FRMPD4: variants seen among roughly 807,000 people sequenced by gnomAD.
FRMPD4 encodes the protein FERM and PDZ domain containing 4.
FRMPD4 carries 22 observed loss-of-function variants against 94.1 expected under a neutral mutation model. That is an observed-to-expected ratio of 0.23 (90% confidence interval 0.17 to 0.33). FRMPD4 has a LOEUF of 0.33. Among genes scored for constraint, FRMPD4 ranks in the 10% least tolerant of loss-of-function variants. FRMPD4 has a pLI of 1.00. For missense variants in FRMPD4, 1,111 were observed against 1,339.9 expected, an observed-to-expected ratio of 0.83 and a Z score of 2.67; for synonymous variants, 631 against 548.6, an observed-to-expected ratio of 1.15 and a Z score of -2.10.
chrX:11,931,328 A>G (rs1345479603), intron 3 of FRMPD4, among the ~76,000 whole-genome samples: 1 of 112,128 alleles, frequency 8.9e-6, no homozygotes, highest in African/African-American at 3.2e-5. Flanking sequence ...CTATGAATTG[A>G]CCAGGCTTAG....
At chrX:12,102,047 G>A (rs969030816) in intron 3 of FRMPD4, among the ~76,000 whole-genome samples, 23 of 112,084 alleles carry the variant, frequency 2.1e-4, no homozygotes, top group African/African-American at 6.8e-4. Context: ...CTATCATGCC[G>A]TTACATGAGA....
At chrX:11,952,460 C>T (rs993054789) in intron 3 of FRMPD4, among the ~76,000 whole-genome samples, 3 of 111,914 alleles carry the variant, frequency 2.7e-5, no homozygotes, top group African/African-American at 9.8e-5. Flanking sequence ...AGTTTGCATC[C>T]CAGGGGAGAA....
intron 2 of FRMPD4, chrX:12,583,503 T>G: frequency 1.7e-6 from 2 of 1,153,253 alleles, no homozygotes; most frequent in Non-Finnish European, 2.4e-6. Context: ...GCAGAATATT[T>G]CTACGTGCCG....
At chrX:12,062,765 G>A (rs1020559805) in intron 3 of FRMPD4, among the ~76,000 whole-genome samples, 2 of 111,397 alleles carry the variant, frequency 1.8e-5, no homozygotes, top group East Asian at 2.8e-4. Flanking sequence ...GGCAACTTTG[G>A]TTTTATAAGA....
At position 12,405,644 on chromosome X, in the gene FRMPD4, C is replaced by T. The variant is rs745729651; in HGVS notation, c.42-93036C>T. On this transcript the variant is annotated intron_variant, in intron 1 of 16. Transcript: ENST00000675598. ...GAAATCAGGAACATAATGAAGACTT[C>T]GAACCTGTACCCAGGAGCCTTTGAT... Among the ~76,000 whole-genome samples, 4 of 111,674 alleles carry T rather than the reference C, an allele frequency of 3.6e-5. No individual in the cohort carries two copies. In the East Asian group the frequency reaches 8.5e-4, roughly 24 times the overall value.
chrX:12,441,259 T>C (rs750854041), intron 1 of FRMPD4, among the ~76,000 whole-genome samples: 3 of 111,756 alleles, frequency 2.7e-5, no homozygotes, highest in South Asian at 3.7e-4. Flanking sequence ...TGGGGAGAAA[T>C]TGAATGGCCT....
At chrX:12,047,875 C>G (rs2054794737) in intron 3 of FRMPD4, among the ~76,000 whole-genome samples, 1 of 112,187 alleles carries the variant, frequency 8.9e-6, no homozygotes, top group Non-Finnish European at 1.9e-5. Flanking sequence ...ACGTATGTAC[C>G]ACATTTTCTT....
intron 4 of FRMPD4, among the ~76,000 whole-genome samples, chrX:12,627,145 G>A (rs1021105159): frequency 9.9e-5 from 11 of 111,281 alleles, no homozygotes; most frequent in East Asian, 2.8e-4. Flanking sequence ...GCATGGTGGC[G>A]CATGCCTGTA....
chrX:12,701,553 A>G (rs150377436), intron 9 of FRMPD4, among the ~76,000 whole-genome samples: 50 of 112,286 alleles, frequency 4.5e-4, no homozygotes, highest in Non-Finnish European at 7.7e-4. Context: ...ACATTATGCT[A>G]TCAATGCTGT....
rs1456057154 is a variant in FRMPD4 at position 12,724,159 on chromosome X, C to T, written c.*2301C>T. 2.7e-5 allele frequency: 3 copies of T among 111,667 alleles called. No individual in the cohort carries two copies. The highest frequency in any genetic ancestry group is 9.8e-5 in the African/African-American group (3 of 30,702). The allele number at this position is 111,667 out of a possible 1,213,427, so 9.2% of individuals were successfully genotyped here. A position where few individuals can be genotyped will look rare whatever the true frequency, so the allele number is the denominator to read the frequency against. On this transcript the variant is annotated 3_prime_UTR_variant, in exon 17 of 17. Coordinates refer to ENST00000675598, the MANE Select transcript of FRMPD4 (RefSeq NM_001368397.1). ...TAAAAGAAGTGTACAAGGAAGTGGC[C>T]ATCCTTGTTCAAGTTACGTATCTAG...
intron 3 of FRMPD4, among the ~76,000 whole-genome samples, chrX:11,928,613 G>T (rs888666432): frequency 2.7e-5 from 3 of 112,151 alleles, no homozygotes; most frequent in Non-Finnish European, 5.6e-5. Flanking sequence ...AAAAATAATA[G>T]ATACTTGTGA....
chrX:12,167,256 T>G (rs2056136394), intron 1 of FRMPD4, among the ~76,000 whole-genome samples: 1 of 112,063 alleles, frequency 8.9e-6, no homozygotes, highest in African/African-American at 3.2e-5. Flanking sequence ...TGTTGTGTCT[T>G]TGTTCTGGTT....
chrX:12,282,580 T>C (rs1403080183), intron 1 of FRMPD4, among the ~76,000 whole-genome samples: 1 of 111,075 alleles, frequency 9.0e-6, no homozygotes, highest in Non-Finnish European at 1.9e-5. Flanking sequence ...CAAACAAATC[T>C]AGTTTTATTA....
At chrX:12,477,100 A>G (rs1008460457) in intron 1 of FRMPD4, among the ~76,000 whole-genome samples, 2 of 112,172 alleles carry the variant, frequency 1.8e-5, no homozygotes, top group Non-Finnish European at 3.8e-5. Context: ...TGTGACACAT[A>G]TACACCATGG....
At chrX:11,920,444 T>G (rs1214595564) in intron 3 of FRMPD4, among the ~76,000 whole-genome samples, 3 of 111,964 alleles carry the variant, frequency 2.7e-5, no homozygotes, top group African/African-American at 9.7e-5. Context: ...CAGTATCTTC[T>G]GTACGGTCAT....
chrX:11,917,352 A>G (rs1309773809), intron 3 of FRMPD4, among the ~76,000 whole-genome samples: 2 of 112,272 alleles, frequency 1.8e-5, no homozygotes, highest in Admixed American at 1.9e-4. Flanking sequence ...GAGAACTAAA[A>G]ATAGAACTTC....
At chrX:12,680,227 G>T (rs1295531364) in intron 5 of FRMPD4, among the ~76,000 whole-genome samples, 1 of 111,675 alleles carries the variant, frequency 9.0e-6, no homozygotes. Flanking sequence ...GTTGATTAGG[G>T]GCCTGATAAT....
intron 3 of FRMPD4, among the ~76,000 whole-genome samples, chrX:12,063,868 A>G (rs2054901867): frequency 8.9e-6 from 1 of 112,926 alleles, no homozygotes; most frequent in African/African-American, 3.2e-5. Flanking sequence ...TTATATTTTC[A>G]TAGAAAACTG....
At chrX:12,420,883 C>T (rs770146032) in intron 1 of FRMPD4, among the ~76,000 whole-genome samples, 4 of 112,050 alleles carry the variant, frequency 3.6e-5, no homozygotes, top group Non-Finnish European at 7.5e-5. Flanking sequence ...ACAATCTCTC[C>T]GTACCTATTT....
Sources: gnomAD v4.1 joint callset for allele counts (sites outside exome capture counted in the v4.1 genomes callset) on GRCh38, gnomAD v4.1.1 for gene constraint, MANE v1.5 for transcripts, NCBI Gene and HGNC (gene_info 2026-07-23, HGNC 2026-07-21) for gene names.